The following PRKG1 variants were observed in gnomAD, a reference collection of about 807,000 sequenced individuals.
PRKG1 encodes cGMP-dependent protein kinase 1.
PRKG1 carries 35 observed loss-of-function variants against 88.1 expected under a neutral mutation model. The observed-to-expected ratio is 0.40, with a 90% CI of 0.30 to 0.53. The LOEUF is 0.53. Among genes scored for constraint, PRKG1 ranks in the 20% least tolerant of loss-of-function variants. PRKG1 has a pLI of 0.59. For synonymous variants in PRKG1, 303 were observed against 292.5 expected, an observed-to-expected ratio of 1.04 and a Z score of -0.37; for missense variants, 540 against 839.8, an observed-to-expected ratio of 0.64 and a Z score of 4.41.
intron 3 of PRKG1, among the ~76,000 whole-genome samples, chr10:51,724,186 C>G (rs1366817903): frequency 2.0e-5 from 3 of 152,186 alleles, no homozygotes; most frequent in Admixed American, 1.3e-4. Context: ...CACTATCAGT[C>G]TCTTTACACA....
intron 3 of PRKG1, among the ~76,000 whole-genome samples, chr10:51,545,876 C>T (rs1474184041): frequency 2.0e-5 from 3 of 151,758 alleles, no homozygotes; most frequent in African/African-American, 7.3e-5. Flanking sequence ...TATGAGAGTC[C>T]CTTCCCCCTA....
intron 1 of PRKG1, among the ~76,000 whole-genome samples, chr10:51,008,408 G>C (rs758793564): frequency 1.3e-5 from 2 of 152,206 alleles, no homozygotes; most frequent in African/African-American, 2.4e-5. Flanking sequence ...CAGCTCTGTA[G>C]ACTAGAAGTT....
intron 14 of PRKG1, among the ~76,000 whole-genome samples, chr10:52,287,137 GAA>G (rs1224831666): frequency 6.6e-6 from 1 of 151,790 alleles, no homozygotes; most frequent in African/African-American, 2.4e-5. Flanking sequence ...CTATAAATTA[GAA>G]ATCATTGCCA....
At position 52,075,666 on chromosome 10, in the gene PRKG1, A is replaced by G. The variant is rs909200889; in HGVS notation, c.935+13035A>G. ...AAAATACTGTAGATTAGGTGGCTTA[A>G]CCAACAGAAATTTATTTTCTCACAG... is the stretch of plus-strand genomic sequence containing the variant. On this transcript the variant is annotated intron_variant, in intron 7 of 17. Coordinates refer to ENST00000373980, the MANE Select transcript of PRKG1 (RefSeq NM_006258.4). 3.3e-5 allele frequency among the ~76,000 whole-genome samples: 5 copies of G among 152,348 alleles called. No individual in the cohort carries two copies. In the East Asian group the frequency reaches 9.6e-4, roughly 29 times the overall value.
Position 51,847,840 on chromosome 10 carries a change from TAAAAAAAAAAAAAAAAAA to T in PRKG1, c.698+43170_698+43187del, listed in dbSNP as rs766423513. Among the ~76,000 whole-genome samples the T allele has an allele frequency of 5.6e-3, 198 of 35,216 alleles. 1 individual carries two copies. Among genetic ancestry groups the T allele is most frequent in the Admixed American group, 0.011 (28 of 2,596 alleles). 23.1% of individuals were successfully genotyped at this position (35,216 alleles called of 152,430 possible). A position where few individuals can be genotyped will look rare whatever the true frequency, so the allele number is the denominator to read the frequency against. ...AACATAGAGAGACTCAAGACTCTGT[TAAAAAAAAAAAAAAAAAA>T]AAAAAAAAAAAAAAAAAAAGACCGA... On this transcript the variant is annotated intron_variant, in intron 4 of 17. Coordinates refer to ENST00000373980, the MANE Select transcript of PRKG1 (RefSeq NM_006258.4).
chr10:51,508,172 G>A (rs1312888983), intron 3 of PRKG1, among the ~76,000 whole-genome samples: 1 of 152,116 alleles, frequency 6.6e-6, no homozygotes, highest in African/African-American at 2.4e-5. Context: ...TACATGTAAA[G>A]CATTTAAACA....
At chr10:51,709,961 C>A (rs1841702991) in intron 3 of PRKG1, among the ~76,000 whole-genome samples, 1 of 152,144 alleles carries the variant, frequency 6.6e-6, no homozygotes, top group Admixed American at 6.5e-5. Flanking sequence ...CTAGGATACT[C>A]ATTATTCAAC....
At chr10:51,861,113 T>C (rs1474752522) in intron 4 of PRKG1, among the ~76,000 whole-genome samples, 2 of 152,110 alleles carry the variant, frequency 1.3e-5, no homozygotes, top group African/African-American at 4.8e-5. Context: ...GTGAGGGAGC[T>C]TTGGTACTCA....
chr10:51,504,971 C>T (rs568413938), intron 3 of PRKG1, among the ~76,000 whole-genome samples: 37 of 152,244 alleles, frequency 2.4e-4, no homozygotes, highest in Admixed American at 7.2e-4. Flanking sequence ...ATTTCCTTCT[C>T]CTGCCTAATT....
intron 1 of PRKG1, among the ~76,000 whole-genome samples, chr10:51,104,684 A>AATTTTT (rs1844778449): frequency 6.8e-6 from 1 of 148,130 alleles, no homozygotes. Context: ...ACACCTGGCT[A>AATTTTT]ATTTTTATTT....
intron 5 of PRKG1, among the ~76,000 whole-genome samples, chr10:51,974,336 T>C (rs1215230207): frequency 6.6e-6 from 1 of 152,142 alleles, no homozygotes; most frequent in Non-Finnish European, 1.5e-5. Context: ...CTTGTTTCTC[T>C]ACTCCTAGTC....
At chr10:52,083,682 T>G (rs1025533453) in intron 7 of PRKG1, among the ~76,000 whole-genome samples, 17 of 152,076 alleles carry the variant, frequency 1.1e-4, no homozygotes, top group Non-Finnish European at 2.4e-4. Flanking sequence ...GAGGCAAGTA[T>G]AAAGCAAAAT....
intron 2 of PRKG1, among the ~76,000 whole-genome samples, chr10:51,457,463 A>G (rs1326699456): frequency 2.6e-5 from 4 of 152,162 alleles, no homozygotes; most frequent in Non-Finnish European, 4.4e-5. Flanking sequence ...GAGACTACAT[A>G]TTGGATGCAG....
At chr10:52,015,207 G>C (rs946196926) in intron 5 of PRKG1, among the ~76,000 whole-genome samples, 3 of 152,290 alleles carry the variant, frequency 2.0e-5, no homozygotes, top group African/African-American at 7.2e-5. Context: ...GGACATCCAG[G>C]CATTTCCATA....
chr10:51,702,547 GGTATA>G (rs1257119485), intron 3 of PRKG1, among the ~76,000 whole-genome samples: 1 of 152,056 alleles, frequency 6.6e-6, no homozygotes, highest in African/African-American at 2.4e-5. Flanking sequence ...AAGTGTACAT[GGTATA>G]GTGTATGTCC....
chr10:51,504,879 G>A (rs1377071109), intron 3 of PRKG1, among the ~76,000 whole-genome samples: 7 of 152,052 alleles, frequency 4.6e-5, no homozygotes, highest in Non-Finnish European at 7.4e-5. Context: ...GGGCTGAGAC[G>A]ATGGGGTTTT....
intron 3 of PRKG1, among the ~76,000 whole-genome samples, chr10:51,561,619 G>T (rs530011657): frequency 6.6e-6 from 1 of 151,922 alleles, no homozygotes; most frequent in Non-Finnish European, 1.5e-5. Flanking sequence ...ATCGATACAG[G>T]TTTAAAGGAG....
chr10:52,269,137 A>G (rs1292516887), intron 10 of PRKG1, among the ~76,000 whole-genome samples: 1 of 152,092 alleles, frequency 6.6e-6, no homozygotes, highest in Non-Finnish European at 1.5e-5. Flanking sequence ...ATTTTTGAAC[A>G]ACTGCACAAC....
chr10:51,004,151 C>T (rs1842917882), intron 1 of PRKG1, among the ~76,000 whole-genome samples: 1 of 152,068 alleles, frequency 6.6e-6, no homozygotes, highest in African/African-American at 2.4e-5. Context: ...GATAAATGAT[C>T]TATAAACTTT....
Sources: gnomAD v4.1 joint callset for allele counts (sites outside exome capture counted in the v4.1 genomes callset) on GRCh38, gnomAD v4.1.1 for gene constraint, MANE v1.5 for transcripts, NCBI Gene and HGNC (gene_info 2026-07-23, HGNC 2026-07-21) for gene names.